ADD3: variants seen among roughly 807,000 people sequenced by gnomAD.
The protein encoded by ADD3 is gamma-adducin.
Under a neutral mutation model 80.2 loss-of-function variants are expected in ADD3, and 25 were observed. That is an observed-to-expected ratio of 0.31 (90% CI 0.23 to 0.44). ADD3 has a LOEUF of 0.44. Ranked by LOEUF, ADD3 falls within the 20% of genes least tolerant of loss-of-function variation. ADD3 has a pLI of 1.00. For missense variants in ADD3, 829 were observed against 847.5 expected (o/e 0.98, Z 0.27); for synonymous variants, 284 against 289.6 (o/e 0.98, Z 0.20).
intron 1 of ADD3, among the ~76,000 whole-genome samples, chr10:110,088,586 A>G (rs1292948305): frequency 6.6e-6 from 1 of 152,148 alleles, no homozygotes; most frequent in Admixed American, 6.5e-5. Context: ...CCTCCTTCAA[A>G]TCCAACTGCT....
chr10:110,036,833 A>C (rs557408436), intron 1 of ADD3, among the ~76,000 whole-genome samples: 13 of 152,296 alleles, frequency 8.5e-5, no homozygotes, highest in African/African-American at 2.9e-4. Context: ...GCAGTAGAAA[A>C]TAGTGTTATG....
chr10:110,105,860 T>G (rs1345021815), intron 2 of ADD3: 5 of 152,236 alleles, frequency 3.3e-5, no homozygotes, highest in Non-Finnish European at 5.9e-5. Flanking sequence ...CAGGTATTCT[T>G]AACTTTATTT....
intron 1 of ADD3, among the ~76,000 whole-genome samples, chr10:110,081,973 AAC>A (rs1846108157): frequency 6.6e-6 from 1 of 152,212 alleles, no homozygotes; most frequent in South Asian, 2.1e-4. Context: ...TTTGAGCTGA[AAC>A]AGACATTTTA....
At chr10:110,096,087 A>G (rs563104031) in intron 1 of ADD3, among the ~76,000 whole-genome samples, 2 of 152,242 alleles carry the variant, frequency 1.3e-5, no homozygotes, top group South Asian at 2.1e-4. Flanking sequence ...ATGTGTTGCC[A>G]TTGGGAGAAA....
intron 1 of ADD3, among the ~76,000 whole-genome samples, chr10:110,034,351 G>A (rs1855397817): frequency 6.6e-6 from 1 of 151,498 alleles, no homozygotes; most frequent in Non-Finnish European, 1.5e-5. Context: ...GGACATTTTG[G>A]TATTTTGTAA....
chr10:110,114,334 T>C (rs11194988), intron 3 of ADD3, among the ~76,000 whole-genome samples: 26,599 of 152,190 alleles, frequency 0.17, 3,267 homozygotes, highest in Admixed American at 0.39. Context: ...TTCAGATTAC[T>C]TCAAAACATC....
At chr10:110,093,808 G>A (rs920904143) in intron 1 of ADD3, among the ~76,000 whole-genome samples, 5 of 152,036 alleles carry the variant, frequency 3.3e-5, no homozygotes, top group African/African-American at 1.2e-4. Flanking sequence ...AAGATACTAA[G>A]TGTCTTTATG....
intron 1 of ADD3, among the ~76,000 whole-genome samples, chr10:110,063,736 ATTATATATATATAT>A (rs1295429742): frequency 2.2e-4 from 10 of 45,814 alleles, no homozygotes; most frequent in African/African-American, 7.2e-4. Flanking sequence ...ATATATATTC[ATTATATATATATAT>A]ATATATATAT....
At chr10:110,029,878 A>T (rs1041015567) in intron 1 of ADD3, among the ~76,000 whole-genome samples, 1 of 152,210 alleles carries the variant, frequency 6.6e-6, no homozygotes. Context: ...AAGAATTTTT[A>T]AAGTTATTAT....
At position 110,133,192 on chromosome 10, in the gene ADD3, A is replaced by G. The variant is rs74154986; in HGVS notation, c.1829-134A>G. 3.0e-3 allele frequency: 2,543 copies of G among 857,982 alleles called. 61 individuals carry two copies. The African/African-American group carries it at 0.041, about 14-fold the overall frequency. The allele number at this position is 857,982 out of a possible 1,614,324, so 53.1% of individuals were successfully genotyped here. On this transcript the variant is annotated intron_variant, in intron 14 of 14. Transcript: ENST00000356080. ...GCTTCTTGCTAATAGATCACAGTTT[A>G]TTAAAATAATGATCTGTCTTCATTG... is the stretch of plus-strand genomic sequence containing the variant.
chr10:110,019,494 A>C (rs1187758827), intron 1 of ADD3, among the ~76,000 whole-genome samples: 2 of 151,776 alleles, frequency 1.3e-5, no homozygotes, highest in Non-Finnish European at 2.9e-5. Context: ...AGCTGGGACT[A>C]CAGGCACCCG....
rs947588121 is a variant in ADD3 at position 110,133,845 on chromosome 10, C to G, written c.*227C>G. On this transcript the variant is annotated 3_prime_UTR_variant, in exon 15 of 15. Transcript: ENST00000356080. ...TTAAGCAATTACTAGTTTTAATTAG[C>G]TCTGCCCTCATGAAGTATTATTATA... 2.7e-6 allele frequency: 1 copy of G among 365,722 alleles called. No homozygotes were observed. Among genetic ancestry groups the G allele is most frequent in the Admixed American group, 4.3e-5 (1 of 23,388 alleles). 22.7% of individuals were successfully genotyped at this position (365,722 alleles called of 1,614,324 possible).
intron 1 of ADD3, among the ~76,000 whole-genome samples, chr10:110,048,164 TTC>T (rs370565256): frequency 1.2e-3 from 183 of 152,276 alleles, no homozygotes; most frequent in African/African-American, 4.1e-3. Context: ...CGCTTGATCA[TTC>T]TCTCTTGTCT....
intron 1 of ADD3, among the ~76,000 whole-genome samples, chr10:109,997,034 G>C (rs1433675544): frequency 6.6e-6 from 1 of 152,160 alleles, no homozygotes; most frequent in Non-Finnish European, 1.5e-5. Context: ...AAGCAACTGA[G>C]GTCACTCTAA....
chr10:110,125,847 T>A lies in ADD3; in HGVS notation c.1423T>A (p.Ser475Thr). 1 of 1,605,712 alleles carries A rather than the reference T, an allele frequency of 6.2e-7. No individual in the cohort carries two copies. Among genetic ancestry groups the A allele is most frequent in the South Asian group, 1.1e-5 (1 of 90,014 alleles). ...TTAGTGGATGAAAGCAGAAGACTCA[T>A]CTAAAGTTAGTGGTGGAACACCTAT... ...KITWMKAEDS[S>T]KVSGGTPIKI... Residue 475 changes from serine to threonine, a missense_variant, in exon 11 of 15, where the codon TCT (serine) becomes ACT (threonine). Transcript: ENST00000356080.
At chr10:110,097,368 A>G (rs376440731) in intron 1 of ADD3, among the ~76,000 whole-genome samples, 22 of 152,214 alleles carry the variant, frequency 1.4e-4, no homozygotes, top group African/African-American at 5.3e-4. Flanking sequence ...AAATTGTGGT[A>G]TTAATATTTT....
chr10:110,068,296 T>A (rs1432827376), intron 1 of ADD3, among the ~76,000 whole-genome samples: 2 of 152,110 alleles, frequency 1.3e-5, no homozygotes, highest in Non-Finnish European at 2.9e-5. Context: ...CCTCCCCCCC[T>A]CCTTTCTCTG....
chr10:110,114,733 T>A (rs1850478928), intron 3 of ADD3, among the ~76,000 whole-genome samples: 1 of 152,026 alleles, frequency 6.6e-6, no homozygotes, highest in Non-Finnish European at 1.5e-5. Context: ...GAAGATAAAA[T>A]CACCTTTAGA....
intron 1 of ADD3, among the ~76,000 whole-genome samples, chr10:109,996,669 T>C (rs1377411650): frequency 2.6e-5 from 4 of 152,252 alleles, no homozygotes; most frequent in East Asian, 1.9e-4. Flanking sequence ...CTAGTAATTA[T>C]GCCCTGCTTT....
Sources: gnomAD v4.1 joint callset for allele counts (sites outside exome capture counted in the v4.1 genomes callset) on GRCh38, gnomAD v4.1.1 for gene constraint, MANE v1.5 for transcripts, NCBI Gene and HGNC (gene_info 2026-07-23, HGNC 2026-07-21) for gene names.